Variants in SIAE observed in about 807,000 individuals in gnomAD.
SIAE encodes sialic acid acetylesterase.
In SIAE, 39 loss-of-function variants were observed where a neutral mutation model predicts 52.6. The ratio of observed to expected loss-of-function variants is 0.74; its 90% CI spans 0.57 to 0.97. The LOEUF is 0.97. Among genes scored for constraint, SIAE ranks in the 50% least tolerant of loss-of-function variants. SIAE has a pLI of 0.00. For synonymous variants in SIAE, 233 were observed against 241.4 expected, an observed-to-expected ratio of 0.97 and a Z score of 0.32; for missense variants, 592 against 662.1, an observed-to-expected ratio of 0.89 and a Z score of 1.16.
intron 3 of SIAE, chr11:124,659,554 A>G (rs538857267): frequency 6.9e-6 from 1 of 145,124 alleles, no homozygotes; most frequent in South Asian, 2.2e-4. Context: ...GGATCCCTTG[A>G]GCCCAGGAGT....
At chr11:124,644,661 G>A (rs1179882481) in intron 7 of SIAE, among the ~76,000 whole-genome samples, 1 of 152,148 alleles carries the variant, frequency 6.6e-6, no homozygotes, top group African/African-American at 2.4e-5. Context: ...AGCTGGCCAC[G>A]CTCACAAATA....
Position 124,633,903 on chromosome 11 carries a change from A to G in SIAE, c.*3048T>C, listed in dbSNP as rs1942664098. ...AGAGCCTCATTTTAGAAAGACATTT[A>G]AAATTTTTGGAACATACCACATGTA... On this transcript the variant is annotated 3_prime_UTR_variant, in exon 10 of 10. Coordinates refer to ENST00000263593, the MANE Select transcript of SIAE (RefSeq NM_170601.5). 6.6e-6 allele frequency: 1 copy of G among 152,236 alleles called. No homozygotes were observed. The highest frequency in any genetic ancestry group is 2.1e-4 in the South Asian group (1 of 4,832). 9.4% of individuals were successfully genotyped at this position (152,236 alleles called of 1,614,324 possible). A position where few individuals can be genotyped will look rare whatever the true frequency, so the allele number is the denominator to read the frequency against.
chr11:124,660,255 A>T, intron 3 of SIAE: 1 of 327,232 alleles, frequency 3.1e-6, no homozygotes, highest in South Asian at 2.6e-5. Context: ...GCACCATTGC[A>T]CCCCAGCCTG....
chr11:124,660,460 T>C, intron 3 of SIAE, 168 bp downstream of exon 3: 1 of 720,422 alleles, frequency 1.4e-6, no homozygotes, highest in Middle Eastern at 2.3e-4. Context: ...TCTCTTAAGA[T>C]TGTTAAGTCA....
intron 5 of SIAE, among the ~76,000 whole-genome samples, chr11:124,648,827 C>A (rs1035103774): frequency 6.6e-6 from 1 of 152,172 alleles, no homozygotes; most frequent in Non-Finnish European, 1.5e-5. Context: ...TACTCTACTG[C>A]AGGCCATTCT....
At chr11:124,663,452 T>C (rs1943221191) in intron 2 of SIAE, among the ~76,000 whole-genome samples, 2 of 151,906 alleles carry the variant, frequency 1.3e-5, no homozygotes, top group East Asian at 2.0e-4. Context: ...GCGGCACCCG[T>C]AGTCCCAGCT....
intron 7 of SIAE, among the ~76,000 whole-genome samples, chr11:124,644,198 CAGT>C (rs1942892642): frequency 6.6e-6 from 1 of 152,022 alleles, no homozygotes; most frequent in African/African-American, 2.4e-5. Context: ...TGAAGCCTCA[CAGT>C]AGAATCTCAT....
At chr11:124,673,409 C>T (rs944180971) in intron 1 of SIAE, among the ~76,000 whole-genome samples, 2 of 152,240 alleles carry the variant, frequency 1.3e-5, no homozygotes, top group African/African-American at 2.4e-5. Flanking sequence ...TCCCTGCTCA[C>T]AGGCTGCATG....
At chr11:124,674,127 A>G (rs1943423763), upstream of SIAE, 1 of 216,162 alleles carries the variant, frequency 4.6e-6, no homozygotes, top group Non-Finnish European at 9.3e-6. Context: ...GCCCCCGACT[A>G]GACCCGTCTG....
intron 2 of SIAE, among the ~76,000 whole-genome samples, chr11:124,663,432 G>A (rs1005505751): frequency 1.3e-5 from 2 of 152,116 alleles, no homozygotes; most frequent in African/African-American, 4.8e-5. Flanking sequence ...AAAATGAGCT[G>A]GGCATGGTGG....
Position 124,645,437 on chromosome 11 carries a change from G to T in SIAE, c.966+1928C>A, listed in dbSNP as rs1213854383. Among the ~76,000 whole-genome samples, 1 of 151,976 alleles carries T rather than the reference G, an allele frequency of 6.6e-6. No individual in the cohort carries two copies. The highest frequency in any genetic ancestry group is 2.4e-5 in the African/African-American group (1 of 41,370). On this transcript the variant is annotated intron_variant, in intron 7 of 9. Coordinates refer to ENST00000263593, the MANE Select transcript of SIAE (RefSeq NM_170601.5). The surrounding 1 kb of genome is among the most constrained non-coding windows in gnomAD (Gnocchi z 4.7). ...CTGCCTCAGCCTCCAGAGTAGCTGG[G>T]ATTACAGGGATGCGCCACCACACCC...
At position 124,645,635 on chromosome 11, in the gene SIAE, CA is replaced by C. The variant is rs1306286078; in HGVS notation, c.966+1729del. ...TATTTCTAGCACCTCACAAGATTCA[CA>C]GCATATAATAAGCATTCAACACATA... On this transcript the variant is annotated intron_variant, in intron 7 of 9. Coordinates refer to ENST00000263593, the MANE Select transcript of SIAE (RefSeq NM_170601.5). This position sits in a 1 kb window ranked among gnomAD's most constrained non-coding sequence, Gnocchi z 4.7. Among the ~76,000 whole-genome samples the C allele has an allele frequency of 6.6e-6, 1 of 152,106 alleles. No individual in the cohort carries two copies. The highest frequency in any genetic ancestry group is 1.5e-5 in the Non-Finnish European group (1 of 68,020).
upstream of SIAE, chr11:124,673,808 C>A: frequency 7.3e-7 from 1 of 1,373,142 alleles, no homozygotes; most frequent in Middle Eastern, 2.0e-4. Flanking sequence ...TTTTGCAGTC[C>A]TCGCAGCCTC....
At chr11:124,663,625 AC>A (rs1334133343) in intron 2 of SIAE, among the ~76,000 whole-genome samples, 1 of 152,212 alleles carries the variant, frequency 6.6e-6, no homozygotes, top group African/African-American at 2.4e-5. Flanking sequence ...GTAAGCATAT[AC>A]AAAGGACAGC....
chr11:124,639,686 G>A lies in SIAE; in HGVS notation c.1124+24C>T, dbSNP rs1256013427. The A allele has an allele frequency of 2.5e-6, 4 of 1,613,732 alleles. No homozygotes were observed. In the African/African-American group the frequency reaches 4.0e-5, roughly 16 times the overall value. ...ACTACAAAGAACATACACTGTTCAT[G>A]CAAAGCCCAAGAAGCAATCATACCT... On this transcript the variant is annotated intron_variant, in intron 8 of 9. Coordinates refer to ENST00000263593, the MANE Select transcript of SIAE (RefSeq NM_170601.5).
intron 7 of SIAE, among the ~76,000 whole-genome samples, chr11:124,643,926 C>A (rs1342746760): frequency 6.6e-6 from 1 of 151,210 alleles, no homozygotes; most frequent in Non-Finnish European, 1.5e-5. Context: ...CTGTTCCACC[C>A]AGCCTTATTA....
chr11:124,650,498 C>T (rs1046199186), intron 4 of SIAE, among the ~76,000 whole-genome samples: 9 of 152,260 alleles, frequency 5.9e-5, no homozygotes, highest in African/African-American at 9.6e-5. Flanking sequence ...AGAGGCTGGG[C>T]GCAGTGGCTC....
In SIAE at chr11:124,645,450, C is replaced by T. The variant is rs1284878185; in HGVS notation, c.966+1915G>A. 6.6e-6 allele frequency among the ~76,000 whole-genome samples: 1 copy of T among 151,908 alleles called. No homozygotes were observed. The highest frequency in any genetic ancestry group is 1.5e-5 in the Non-Finnish European group (1 of 68,004). On this transcript the variant is annotated intron_variant, in intron 7 of 9. Transcript: ENST00000263593. The surrounding 1 kb of genome is among the most constrained non-coding windows in gnomAD (Gnocchi z 4.7). The stretch of plus-strand genomic sequence containing the variant: ...CAGAGTAGCTGGGATTACAGGGATG[C>T]GCCACCACACCCGACTAATTTTGTA...
At chr11:124,665,727 G>T (rs1943263329) in intron 2 of SIAE, among the ~76,000 whole-genome samples, 1 of 152,130 alleles carries the variant, frequency 6.6e-6, no homozygotes, top group African/African-American at 2.4e-5. Context: ...GCTGAGGCAG[G>T]AGGATCACTT....
Sources: gnomAD v4.1 joint callset for allele counts (sites outside exome capture counted in the v4.1 genomes callset) on GRCh38, gnomAD v4.1.1 for gene constraint, Gnocchi (gnomAD v3.1) non-coding constraint, MANE v1.5 for transcripts, NCBI Gene and HGNC (gene_info 2026-07-23, HGNC 2026-07-21) for gene names.